COL5A2: variants seen among roughly 807,000 people sequenced by gnomAD.
COL5A2 encodes collagen type V alpha 2 chain.
In COL5A2, 23 loss-of-function variants were observed where a neutral mutation model predicts 208.2. The observed-to-expected ratio is 0.11, with a 90% CI of 0.08 to 0.16. COL5A2 has a LOEUF of 0.16. Among genes scored for constraint, COL5A2 ranks in the 10% least tolerant of loss-of-function variants. The probability of loss-of-function intolerance (pLI) is 1.00; values close to 1 mark genes in which losing one functional copy is unlikely to be tolerated. For synonymous variants in COL5A2, 625 were observed against 628.5 expected, an observed-to-expected ratio of 0.99 and a Z score of 0.08; for missense variants, 1,590 against 1,956.4, an observed-to-expected ratio of 0.81 and a Z score of 3.53.
At chr2:189,104,852 A>G (rs1030086516) in intron 2 of COL5A2, among the ~76,000 whole-genome samples, 1 of 151,820 alleles carries the variant, frequency 6.6e-6, no homozygotes, top group African/African-American at 2.4e-5. Flanking sequence ...ACTTGTCTGT[A>G]TATCACATAG....
At chr2:189,197,998 C>T (rs1376120393) in intron 1 of COL5A2, among the ~76,000 whole-genome samples, 3 of 151,900 alleles carry the variant, frequency 2.0e-5, no homozygotes, top group Non-Finnish European at 2.9e-5. Context: ...TACAGGTGCC[C>T]GCCACCACAC....
chr2:189,286,072 C>T, the COL5A2 span, among the ~76,000 whole-genome samples: 1 of 150,976 alleles, frequency 6.6e-6, no homozygotes, highest in Admixed American at 6.6e-5. Flanking sequence ...AAGGGTACCT[C>T]TAGAAAAGCT....
intron 1 of COL5A2, among the ~76,000 whole-genome samples, chr2:189,163,084 C>T (rs1488576505): frequency 2.6e-5 from 4 of 152,134 alleles, no homozygotes; most frequent in African/African-American, 9.7e-5. Flanking sequence ...ATCTACTCCT[C>T]AGGTAAAAGC....
chr2:189,219,149 T>C (rs1037445546), intron 1 of COL5A2, among the ~76,000 whole-genome samples: 1 of 152,190 alleles, frequency 6.6e-6, no homozygotes, highest in African/African-American at 2.4e-5. Flanking sequence ...TCAGTCAACA[T>C]ACAATACAAA....
At chr2:189,147,322 A>T (rs1688058899) in intron 1 of COL5A2, among the ~76,000 whole-genome samples, 1 of 152,196 alleles carries the variant, frequency 6.6e-6, no homozygotes, top group Admixed American at 6.5e-5. Context: ...ATGACCTACC[A>T]GTAACAAATT....
intron 1 of COL5A2, among the ~76,000 whole-genome samples, chr2:189,155,162 T>G (rs918965461): frequency 1.5e-4 from 23 of 152,140 alleles, no homozygotes; most frequent in Non-Finnish European, 3.1e-4. Flanking sequence ...TTAAATAATT[T>G]TTTTTTGTAG....
Position 189,036,750 on chromosome 2 carries a change from A to T in COL5A2, c.3979T>A (p.Tyr1327Asn), listed in dbSNP as rs1685451483. Reference sequence around the variant, plus strand: ...GTTTCTCCTGTTTCCATGTTGCAGTAAACTTTGATTGCATCTTCAACAGAT... The same window carrying T: ...GTTTCTCCTGTTTCCATGTTGCAGTTAACTTTGATTGCATCTTCAACAGAT... Reference protein sequence around the residue: ...QGSVEDAIKVYCNMETGETCI... With the variant: ...QGSVEDAIKVNCNMETGETCI... Residue 1327 changes from tyrosine to asparagine, a missense_variant, in exon 52 of 54, where the codon TAC (tyrosine) becomes AAC (asparagine). Coordinates refer to ENST00000374866, the MANE Select transcript of COL5A2 (RefSeq NM_000393.5). 1 of 1,613,742 alleles carries T rather than the reference A, an allele frequency of 6.2e-7. No homozygotes were observed. The highest frequency in any genetic ancestry group is 1.1e-5 in the South Asian group (1 of 91,056).
At chr2:189,053,575 A>T in intron 37 of COL5A2, 98 bp from the exon 38 acceptor site, 1 of 1,074,064 alleles carries the variant, frequency 9.3e-7, no homozygotes, top group African/African-American at 1.6e-5. Flanking sequence ...TTAGACATGT[A>T]AATATAGAAA....
chr2:189,077,154 T>C (rs893980371), intron 16 of COL5A2, among the ~76,000 whole-genome samples: 3 of 152,152 alleles, frequency 2.0e-5, no homozygotes, highest in African/African-American at 7.2e-5. Context: ...CCCCCATTAA[T>C]AGTTGGTAGT....
intron 1 of COL5A2, among the ~76,000 whole-genome samples, chr2:189,177,927 A>T (rs1688706885): frequency 6.6e-6 from 1 of 152,212 alleles, no homozygotes; most frequent in African/African-American, 2.4e-5. Flanking sequence ...AACATAAATT[A>T]ACAAAGAAAG....
At chr2:189,067,278 TTAAA>T (rs1406237325) in intron 21 of COL5A2, among the ~76,000 whole-genome samples, 3 of 152,130 alleles carry the variant, frequency 2.0e-5, no homozygotes, top group African/African-American at 7.2e-5. Context: ...AGGTGTGTCT[TTAAA>T]TACCAACTGA....
At chr2:189,191,440 C>T (rs543324815) in intron 1 of COL5A2, among the ~76,000 whole-genome samples, 15 of 151,734 alleles carry the variant, frequency 9.9e-5, no homozygotes, top group Admixed American at 2.6e-4. Flanking sequence ...CAGGAGTTCG[C>T]GACCAGCCTG....
At chr2:189,243,112 T>C in the COL5A2 span, among the ~76,000 whole-genome samples, 2 of 152,090 alleles carry the variant, frequency 1.3e-5, no homozygotes, top group African/African-American at 4.8e-5. Flanking sequence ...CTTAGGAATG[T>C]TGAAGCCAAG....
intron 1 of COL5A2, among the ~76,000 whole-genome samples, chr2:189,224,672 G>A (rs1689390631): frequency 6.6e-6 from 1 of 152,022 alleles, no homozygotes; most frequent in Admixed American, 6.6e-5. Context: ...CTGGGTGACA[G>A]AGTGAGACTC....
chr2:189,289,059 T>A, the COL5A2 span, among the ~76,000 whole-genome samples: 1 of 152,142 alleles, frequency 6.6e-6, no homozygotes, highest in South Asian at 2.1e-4. Context: ...TACCTCGACA[T>A]GGCTGGGCAC....
chr2:189,323,207 C>G, the COL5A2 span, among the ~76,000 whole-genome samples: 10 of 152,136 alleles, frequency 6.6e-5, no homozygotes, highest in Non-Finnish European at 1.5e-5. Context: ...AACCCACAGC[C>G]AATATCATAC....
intron 1 of COL5A2, among the ~76,000 whole-genome samples, chr2:189,204,696 G>C: frequency 6.6e-6 from 1 of 152,124 alleles, no homozygotes. Context: ...CCACAAACAG[G>C]TTCCATCCTG....
the COL5A2 span, among the ~76,000 whole-genome samples, chr2:189,429,932 G>C: frequency 2.0e-5 from 3 of 152,174 alleles, no homozygotes; most frequent in African/African-American, 4.8e-5. Flanking sequence ...GTGGAACAGA[G>C]AGAAAATTAA....
chr2:189,051,468 G>A lies in COL5A2; in HGVS notation c.2783C>T (p.Pro928Leu), dbSNP rs755823878. ...GPPGPAGAPG[P>L]AGPLGEPGKE... The stretch of plus-strand genomic sequence containing the variant: ...CCCGGGTTCCCCTAGGGGTCCCGCA[G>A]GTCCTGGAGCTCCCTAGTATAACAA... Residue 928 changes from proline (P) to leucine (L), a missense_variant, in exon 42 of 54, where the codon CCT becomes CTT. Transcript: ENST00000374866. The A allele has an allele frequency of 1.9e-6, 3 of 1,608,330 alleles. No homozygotes were observed.
Sources: allele counts gnomAD v4.1 joint callset (sites outside exome capture counted in the v4.1 genomes callset), GRCh38; gene constraint gnomAD v4.1.1; transcripts MANE v1.5; gene names NCBI Gene and HGNC (gene_info 2026-07-23, HGNC 2026-07-21).